The following ETV7 variants were observed in gnomAD, a reference collection of about 807,000 sequenced individuals.
ETV7 encodes transcription factor ETV7.
ETV7 carries 43 observed loss-of-function variants against 39.1 expected under a neutral mutation model. That is an observed-to-expected ratio of 1.10 (90% confidence interval 0.86 to 1.42). ETV7 has a LOEUF of 1.42. Ranked by LOEUF, ETV7 falls within the 40% of genes most tolerant of loss-of-function variation. ETV7 has a pLI of 0.00. For synonymous variants in ETV7, 196 were observed against 176.6 expected, an observed-to-expected ratio of 1.11 and a Z score of -0.87; for missense variants, 432 against 442.3, an observed-to-expected ratio of 0.98 and a Z score of 0.21.
In ETV7 at chr6:36,373,590, T is replaced by A; in HGVS notation, c.308-12A>T. The A allele has an allele frequency of 7.8e-6, 2 of 255,714 alleles. No individual in the cohort carries two copies. Among genetic ancestry groups the A allele is most frequent in the Non-Finnish European group, 1.4e-5 (2 of 145,296 alleles). 15.8% of individuals were successfully genotyped at this position (255,714 alleles called of 1,614,324 possible). ...ATACAGGACGTCACCTGGAGGTGGG[T>A]GGGAGGGAGGGCAGGCTGCTGAACA... On this transcript the variant is annotated splice_polypyrimidine_tract_variant and intron_variant, in intron 3 of 7. Transcript: ENST00000340181.
intron 4 of ETV7, among the ~76,000 whole-genome samples, chr6:36,373,215 C>CA (rs1483856230): frequency 6.6e-6 from 1 of 150,954 alleles, no homozygotes; most frequent in Non-Finnish European, 1.5e-5. Flanking sequence ...GAAATTGAGA[C>CA]ATGATACAAA....
chr6:36,378,380 T>C (rs958865994), intron 2 of ETV7, among the ~76,000 whole-genome samples: 2 of 151,912 alleles, frequency 1.3e-5, no homozygotes, highest in African/African-American at 4.8e-5. Context: ...TTAATAGAAG[T>C]AGAAATCAAA....
intron 2 of ETV7, among the ~76,000 whole-genome samples, chr6:36,385,253 A>T (rs1773837987): frequency 6.6e-6 from 1 of 152,162 alleles, no homozygotes; most frequent in African/African-American, 2.4e-5. Context: ...AGGCGAGAGG[A>T]TAGCTTGAGC....
rs1280308027 is a variant in ETV7 at position 36,366,370 on chromosome 6, A to G, written c.*275T>C. 1.6e-6 allele frequency: 2 copies of G among 1,261,398 alleles called. No individual in the cohort carries two copies. Among genetic ancestry groups the G allele is most frequent in the African/African-American group, 1.5e-5 (1 of 66,600 alleles). The allele number at this position is 1,261,398 out of a possible 1,614,324, so 78.1% of individuals were successfully genotyped here. A position where few individuals can be genotyped will look rare whatever the true frequency, so the allele number is the denominator to read the frequency against. ...TTACAGGGGTGGGGCTGGGTGCTCT[A>G]TCGGTGCCTGGCTTCCTCTCCCAGG... On this transcript the variant is annotated 3_prime_UTR_variant, in exon 8 of 8. Transcript: ENST00000340181.
chr6:36,360,189 C>T (rs763009115), intron 7 of ETV7, among the ~76,000 whole-genome samples: 3 of 152,196 alleles, frequency 2.0e-5, no homozygotes, highest in Non-Finnish European at 4.4e-5. Flanking sequence ...CTGCACCCGG[C>T]CAGTCTTTTT....
chr6:36,366,796 T>C, intron 7 of ETV7, 34 bp from the exon 8 acceptor site: 1 of 1,613,760 alleles, frequency 6.2e-7, no homozygotes, highest in Non-Finnish European at 8.5e-7. Flanking sequence ...AATCAGCTCC[T>C]GCCCCAGCTG....
chr6:36,370,739 C>A (rs144699046), intron 5 of ETV7, among the ~76,000 whole-genome samples: 1 of 152,076 alleles, frequency 6.6e-6, no homozygotes, highest in Non-Finnish European at 1.5e-5. Context: ...AGAAAAACAC[C>A]CTTCAGCTTA....
chr6:36,375,728 GA>G, intron 3 of ETV7, 142 bp downstream of exon 3: 1 of 1,330,948 alleles, frequency 7.5e-7, no homozygotes, highest in South Asian at 1.3e-5. Context: ...CACGTATGCA[GA>G]GGGGCATCTG....
intron 7 of ETV7, chr6:36,354,750 T>C (rs1772295137): frequency 1.5e-6 from 1 of 671,556 alleles, no homozygotes; most frequent in Non-Finnish European, 2.7e-6. Context: ...TGTAGACCAA[T>C]TTAGGGAGTA....
chr6:36,368,963 G>A lies in ETV7; in HGVS notation c.773C>T (p.Pro258Leu). The change falls in exon 6 of 8, where the codon CCA (proline) becomes CTA (leucine). Residue 258 changes from proline to leucine, a missense_variant. Coordinates refer to ENST00000340181, the MANE Select transcript of ETV7 (RefSeq NM_016135.4). Reference sequence around the variant, plus strand: ...TCCCCAGAGTCTGGCGAGCCCATTTGGATCCACAACTCGGAAGATCTTGGC... The same window carrying A: ...TCCCCAGAGTCTGGCGAGCCCATTTAGATCCACAACTCGGAAGATCTTGGC... ...KDAKIFRVVD[P>L]NGLARLWGNH... 1 of 1,614,154 alleles carries A rather than the reference G, an allele frequency of 6.2e-7. No individual in the cohort carries two copies. The highest frequency in any genetic ancestry group is 1.3e-5 in the African/African-American group (1 of 75,020).
At chr6:36,362,764 C>T (rs983611502), downstream of ETV7, among the ~76,000 whole-genome samples, 1 of 152,202 alleles carries the variant, frequency 6.6e-6, no homozygotes, top group African/African-American at 2.4e-5. Context: ...TTCATGCCTG[C>T]TCTCCTAGTA....
At chr6:36,363,186 G>A (rs983334046), downstream of ETV7, among the ~76,000 whole-genome samples, 41 of 152,228 alleles carry the variant, frequency 2.7e-4, no homozygotes, top group African/African-American at 8.2e-4. Flanking sequence ...GAATGAAGCC[G>A]CGGACCCTCG....
chr6:36,371,053 A>G (rs562588830), intron 5 of ETV7, among the ~76,000 whole-genome samples: 1 of 152,366 alleles, frequency 6.6e-6, no homozygotes, highest in South Asian at 2.1e-4. Context: ...TAAAGTTTTA[A>G]AAGGCAGGTG....
At chr6:36,382,157 A>G (rs930737242) in intron 2 of ETV7, among the ~76,000 whole-genome samples, 1 of 151,996 alleles carries the variant, frequency 6.6e-6, no homozygotes, top group Non-Finnish European at 1.5e-5. Context: ...CATTTCTCAA[A>G]CCATTTTTGA....
downstream of ETV7, among the ~76,000 whole-genome samples, chr6:36,362,571 G>C (rs1772529947): frequency 6.6e-6 from 1 of 152,212 alleles, no homozygotes; most frequent in African/African-American, 2.4e-5. Context: ...CTCACCTGGT[G>C]CCCGGTACAG....
intron 3 of ETV7, among the ~76,000 whole-genome samples, chr6:36,374,493 A>G (rs1197642940): frequency 6.6e-6 from 1 of 152,218 alleles, no homozygotes; most frequent in African/African-American, 2.4e-5. Context: ...GATCCCAGGC[A>G]GCCAGAGGGA....
intron 5 of ETV7, among the ~76,000 whole-genome samples, chr6:36,369,464 C>T (rs1772897896): frequency 6.6e-6 from 1 of 152,202 alleles, no homozygotes; most frequent in African/African-American, 2.4e-5. Context: ...TCCCTCTCTG[C>T]CCCTGGCCCA....
intron 5 of ETV7, among the ~76,000 whole-genome samples, chr6:36,370,076 G>A (rs1772935968): frequency 6.6e-6 from 1 of 152,162 alleles, no homozygotes; most frequent in African/African-American, 2.4e-5. Context: ...ATTTCTATGT[G>A]TTGGGCCAAT....
At position 36,366,994 on chromosome 6, in the gene ETV7, C is replaced by T. The variant is rs536218178; in HGVS notation, c.808-19G>A. The T allele has an allele frequency of 6.3e-7, 1 of 1,596,798 alleles. No individual in the cohort carries two copies. Among genetic ancestry groups the T allele is most frequent in the Non-Finnish European group, 8.6e-7 (1 of 1,164,408 alleles). On this transcript the variant is annotated intron_variant, in intron 6 of 7. Transcript: ENST00000340181. ...CCCGGTTCTGGAAAGCAAAGCAGCC[C>T]CACATCAGCCCCACTCCCCATGTCC...
Sources: allele counts gnomAD v4.1 joint callset (sites outside exome capture counted in the v4.1 genomes callset), GRCh38; gene constraint gnomAD v4.1.1; transcripts MANE v1.5; gene names NCBI Gene and HGNC (gene_info 2026-07-23, HGNC 2026-07-21).